ANKRD30B: variants seen among roughly 807,000 people sequenced by gnomAD.
ANKRD30B encodes the protein ankyrin repeat domain-containing protein 30B.
Under a neutral mutation model 202.2 loss-of-function variants are expected in ANKRD30B, and 144 were observed. The ratio of observed to expected loss-of-function variants is 0.71; its 90% confidence interval spans 0.62 to 0.82. The LOEUF (loss-of-function observed/expected upper bound fraction) is 0.82. Among genes scored for constraint, ANKRD30B ranks in the 40% least tolerant of loss-of-function variants. The pLI is 0.00. For missense variants in ANKRD30B, 1,487 were observed against 1,669.1 expected, an observed-to-expected ratio of 0.89 and a Z score of 1.90; for synonymous variants, 508 against 561.3, an observed-to-expected ratio of 0.91 and a Z score of 1.34.
rs1459573397 is a variant in ANKRD30B at position 14,784,327 on chromosome 18, G to T, written c.1571-9G>T. 1 of 1,611,140 alleles carries T rather than the reference G, an allele frequency of 6.2e-7. No individual in the cohort carries two copies. The highest frequency in any genetic ancestry group is 8.5e-7 in the Non-Finnish European group (1 of 1,178,360). ...TTATGATTGATGATAAATCTCTTTT[G>T]CATTTTAGAGCTTCCTGAGAAGCCA... On this transcript the variant is annotated splice_polypyrimidine_tract_variant and intron_variant, in intron 12 of 43. Transcript: ENST00000690538.
At chr18:14,888,185 A>C in the ANKRD30B span, among the ~76,000 whole-genome samples, 44 of 150,958 alleles carry the variant, frequency 2.9e-4, no homozygotes, top group East Asian at 2.7e-3. Context: ...TTCTGATTAG[A>C]GTTTAAGTAG....
intron 5 of ANKRD30B, 54 bp from the exon 6 acceptor site, chr18:14,760,499 TG>T: frequency 9.9e-7 from 1 of 1,008,252 alleles, no homozygotes; most frequent in Non-Finnish European, 1.5e-6. Context: ...ATTTGGTAAA[TG>T]TTTTTTATAT....
the ANKRD30B span, among the ~76,000 whole-genome samples, chr18:14,873,216 A>G: frequency 3.9e-5 from 6 of 152,154 alleles, no homozygotes; most frequent in Admixed American, 1.3e-4. Flanking sequence ...AACAATATGT[A>G]TATCTTTATA....
the ANKRD30B span, among the ~76,000 whole-genome samples, chr18:14,876,164 G>GA: frequency 0.56 from 83,031 of 147,230 alleles, 23,571 homozygotes; most frequent in African/African-American, 0.68. Flanking sequence ...CATAGATCTG[G>GA]AAAAAAAAAA....
chr18:14,855,906 G>C (rs1972091246), downstream of ANKRD30B, among the ~76,000 whole-genome samples: 2 of 151,478 alleles, frequency 1.3e-5, no homozygotes, highest in Non-Finnish European at 2.9e-5. Context: ...CGGCTGGGCA[G>C]AGGCGCTCCT....
chr18:14,826,693 T>TGTCACACACACACACA (rs1970679737), intron 32 of ANKRD30B, among the ~76,000 whole-genome samples: 1 of 124,968 alleles, frequency 8.0e-6, no homozygotes, highest in African/African-American at 2.9e-5. Context: ...TCTCTCTCTC[T>TGTCACACACACACACA]CACACACACA....
At chr18:14,917,709 T>C in the ANKRD30B span, among the ~76,000 whole-genome samples, 2 of 152,224 alleles carry the variant, frequency 1.3e-5, no homozygotes, top group African/African-American at 4.8e-5. Flanking sequence ...CTAATGTTCC[T>C]CAGGGATGAG....
At chr18:14,837,853 A>C (rs1971246283) in intron 36 of ANKRD30B, among the ~76,000 whole-genome samples, 177 bp downstream of exon 36, 1 of 152,130 alleles carries the variant, frequency 6.6e-6, no homozygotes, top group African/African-American at 2.4e-5. Context: ...GTCTCTACTA[A>C]AAATACAAAA....
the ANKRD30B span, among the ~76,000 whole-genome samples, chr18:14,860,173 G>A: frequency 6.7e-6 from 1 of 149,630 alleles, no homozygotes; most frequent in African/African-American, 2.5e-5. Flanking sequence ...TCCATGCAGA[G>A]GCGCTCCTCA....
the ANKRD30B span, among the ~76,000 whole-genome samples, chr18:14,913,886 C>T: frequency 1.1e-4 from 16 of 152,138 alleles, no homozygotes; most frequent in Non-Finnish European, 1.6e-4. Context: ...TGGATGCTGT[C>T]CTGTGTGTTT....
chr18:14,806,690 T>A lies in ANKRD30B; in HGVS notation c.2285-1861T>A, dbSNP rs1444895201. 1.3e-5 allele frequency among the ~76,000 whole-genome samples: 2 copies of A among 149,150 alleles called. 1 individual carries two copies. The highest frequency in any genetic ancestry group is 5.0e-5 in the African/African-American group (2 of 40,116). On this transcript the variant is annotated intron_variant, in intron 24 of 43. Coordinates refer to ENST00000690538, the MANE Select transcript of ANKRD30B (RefSeq NM_001367607.2). ...TGATGATGAGATAGCTCTGAATGTTTCATCTCTGCGTGTTTTGCTTTTTTA... is the reference window on the plus strand; with the variant it reads ...TGATGATGAGATAGCTCTGAATGTTACATCTCTGCGTGTTTTGCTTTTTTA...
chr18:14,899,460 A>G, the ANKRD30B span, among the ~76,000 whole-genome samples: 1 of 152,112 alleles, frequency 6.6e-6, no homozygotes, highest in Non-Finnish European at 1.5e-5. Context: ...AAATTAGCTC[A>G]CTTATTTTTA....
chr18:14,764,576 G>C (rs1185857671), intron 7 of ANKRD30B, among the ~76,000 whole-genome samples: 1 of 151,884 alleles, frequency 6.6e-6, no homozygotes, highest in African/African-American at 2.4e-5. Context: ...TGTATTTTTA[G>C]TAGAGACAGG....
chr18:14,752,119 AAGT>A (rs1186668850), intron 1 of ANKRD30B, among the ~76,000 whole-genome samples: 1 of 152,190 alleles, frequency 6.6e-6, no homozygotes, highest in African/African-American at 2.4e-5. Context: ...TTTCTTTATT[AAGT>A]AGTAGTAATA....
intron 40 of ANKRD30B, among the ~76,000 whole-genome samples, chr18:14,849,524 C>T (rs1159229969): frequency 5.3e-5 from 8 of 151,652 alleles, no homozygotes; most frequent in African/African-American, 1.9e-4. Flanking sequence ...ATCTCTCGCT[C>T]TCCTACATAA....
chr18:14,931,139 G>C, the ANKRD30B span, among the ~76,000 whole-genome samples: 1 of 152,190 alleles, frequency 6.6e-6, no homozygotes, highest in Non-Finnish European at 1.5e-5. Context: ...GACCTGCCAG[G>C]CTACTGTCTT....
At chr18:14,931,916 TCCCTCCTGCTCTGTCCC>T in the ANKRD30B span, among the ~76,000 whole-genome samples, 1 of 97,526 alleles carries the variant, frequency 1.0e-5, no homozygotes, top group Non-Finnish European at 2.2e-5. Flanking sequence ...CCACCCCACC[TCCCTCCTGCTCTGTCCC>T]GGGCCCCCCA....
the ANKRD30B span, among the ~76,000 whole-genome samples, chr18:14,872,017 CTGT>C: frequency 0.015 from 2,226 of 152,182 alleles, 58 homozygotes; most frequent in African/African-American, 0.052. Context: ...GAGGCAGGTA[CTGT>C]TGTTATTTTA....
rs1193923820 is a variant in ANKRD30B, at chr18:14,763,752, A to G, written c.887A>G (p.Glu296Gly). Residue 296 changes from glutamate to glycine, a missense_variant, in exon 7 of 44, where the codon GAA (glutamate) becomes GGA (glycine). Coordinates refer to ENST00000690538, the MANE Select transcript of ANKRD30B (RefSeq NM_001367607.2). The stretch of plus-strand genomic sequence containing the variant: ...GCGGAAAGAACACCTGACACGGCTG[A>G]AAGCTTGCTGGAAAAAACACCTGAC... ...PLAERTPDTA[E>G]SLLEKTPDEA... 2 of 1,614,092 alleles carry G rather than the reference A, an allele frequency of 1.2e-6. No individual in the cohort carries two copies. Among genetic ancestry groups the G allele is most frequent in the Non-Finnish European group, 1.7e-6 (2 of 1,180,004 alleles).
Sources: allele counts gnomAD v4.1 joint callset (sites outside exome capture counted in the v4.1 genomes callset), GRCh38; gene constraint gnomAD v4.1.1; transcripts MANE v1.5; gene names NCBI Gene and HGNC (gene_info 2026-07-23, HGNC 2026-07-21).